Variants in TIAM1 observed in about 807,000 individuals in gnomAD.
The protein encoded by TIAM1 is rho guanine nucleotide exchange factor TIAM1.
Under a neutral mutation model 163.5 loss-of-function variants are expected in TIAM1, and 65 were observed. The observed-to-expected ratio is 0.40, with a 90% CI of 0.33 to 0.49. TIAM1 has a LOEUF of 0.49. Ranked by LOEUF, TIAM1 falls within the 20% of genes least tolerant of loss-of-function variation. TIAM1 has a pLI of 0.77. For synonymous variants in TIAM1, 833 were observed against 810.1 expected (o/e 1.03, Z -0.48); for missense variants, 1,789 against 2,044.7 (o/e 0.87, Z 2.41).
intron 11 of TIAM1, among the ~76,000 whole-genome samples, chr21:31,209,193 C>A (rs1272307398): frequency 6.6e-6 from 1 of 152,200 alleles, no homozygotes; most frequent in African/African-American, 2.4e-5. Flanking sequence ...CTGAGCTTCA[C>A]TTCCTCCATG....
chr21:31,317,005 T>C (rs1323326519), intron 2 of TIAM1, among the ~76,000 whole-genome samples: 1 of 152,174 alleles, frequency 6.6e-6, no homozygotes, highest in East Asian at 1.9e-4. Flanking sequence ...TCAAATCCTA[T>C]ATTTACCGAT....
intron 2 of TIAM1, among the ~76,000 whole-genome samples, chr21:31,369,837 T>C (rs1248573028): frequency 6.6e-6 from 1 of 152,010 alleles, no homozygotes; most frequent in African/African-American, 2.4e-5. Flanking sequence ...ATACAAAAAT[T>C]AGCTGGGCGT....
At chr21:31,152,989 T>G (rs2083449954) in intron 18 of TIAM1, 77 bp downstream of exon 18, 1 of 1,391,788 alleles carries the variant, frequency 7.2e-7, no homozygotes, top group South Asian at 1.3e-5. Flanking sequence ...GTGTTACGCA[T>G]GTCCCCATTT....
chr21:31,355,069 C>T (rs2076292808), intron 2 of TIAM1, among the ~76,000 whole-genome samples: 1 of 151,864 alleles, frequency 6.6e-6, no homozygotes, highest in Non-Finnish European at 1.5e-5. Flanking sequence ...AGCTGTAATC[C>T]CTTACACATA....
At chr21:31,484,239 T>G (rs1187980114) in intron 1 of TIAM1, among the ~76,000 whole-genome samples, 1 of 152,160 alleles carries the variant, frequency 6.6e-6, no homozygotes, top group Admixed American at 6.5e-5. Context: ...CCCAAACAGA[T>G]GAAGACACCC....
chr21:31,371,363 C>T (rs2076594029), intron 2 of TIAM1, among the ~76,000 whole-genome samples: 1 of 152,132 alleles, frequency 6.6e-6, no homozygotes, highest in South Asian at 2.1e-4. Flanking sequence ...GTACCTTCCT[C>T]CTCATTTTAC....
intron 1 of TIAM1, among the ~76,000 whole-genome samples, chr21:31,513,290 G>A (rs892211162): frequency 3.9e-5 from 6 of 152,142 alleles, no homozygotes; most frequent in Admixed American, 3.9e-4. Context: ...CCATTTTACA[G>A]GTGGGGAAAC....
chr21:31,171,601 T>A (rs1428809881), intron 15 of TIAM1, among the ~76,000 whole-genome samples: 1 of 152,180 alleles, frequency 6.6e-6, no homozygotes, highest in Non-Finnish European at 1.5e-5. Flanking sequence ...TAAAAATCAA[T>A]AAAATGAATT....
chr21:31,315,044 A>G (rs939674675), intron 2 of TIAM1, among the ~76,000 whole-genome samples: 5 of 152,280 alleles, frequency 3.3e-5, no homozygotes, highest in South Asian at 2.1e-4. Flanking sequence ...CAAACCTCGC[A>G]CCAAAACCAC....
At chr21:31,555,020 A>G (rs1197557297) in intron 1 of TIAM1, among the ~76,000 whole-genome samples, 1 of 152,152 alleles carries the variant, frequency 6.6e-6, no homozygotes, top group Non-Finnish European at 1.5e-5. Flanking sequence ...TGGAAGGGGA[A>G]AACTCCACCT....
chr21:31,229,288 G>C (rs1297535734), intron 6 of TIAM1, among the ~76,000 whole-genome samples: 1 of 152,024 alleles, frequency 6.6e-6, no homozygotes, highest in Non-Finnish European at 1.5e-5. Flanking sequence ...ACAGGGGTGT[G>C]TTCAGTTTGT....
chr21:31,554,840 C>A (rs569162483), intron 1 of TIAM1, among the ~76,000 whole-genome samples: 1 of 152,176 alleles, frequency 6.6e-6, no homozygotes, highest in Admixed American at 6.5e-5. Context: ...GAAAGAGCTT[C>A]AAGGTCTTCT....
intron 2 of TIAM1, among the ~76,000 whole-genome samples, chr21:31,354,010 G>A (rs2076277742): frequency 1.3e-5 from 2 of 151,130 alleles, no homozygotes; most frequent in Admixed American, 1.3e-4. Context: ...GCTAATTTGT[G>A]TATTTTTAGT....
chr21:31,164,955 C>T lies in TIAM1; in HGVS notation c.2991+7G>A. The T allele has an allele frequency of 1.2e-6, 2 of 1,613,712 alleles. No individual in the cohort carries two copies. The highest frequency in any genetic ancestry group is 1.1e-5 in the South Asian group (1 of 91,066). On this transcript the variant is annotated splice_region_variant and intron_variant, in intron 16 of 27. Transcript: ENST00000541036. ...AAGCATGGGATGTGAAAATGAAAAT[C>T]TCTCACCTTGCTGCTGTGATCAGTC... is the stretch of plus-strand genomic sequence containing the variant.
At chr21:31,535,659 A>C (rs997431755) in intron 1 of TIAM1, among the ~76,000 whole-genome samples, 1 of 151,988 alleles carries the variant, frequency 6.6e-6, no homozygotes, top group African/African-American at 2.4e-5. Context: ...CTGGTTCTCT[A>C]TCTAGGTCTT....
intron 2 of TIAM1, among the ~76,000 whole-genome samples, chr21:31,426,721 T>C (rs2043808234): frequency 6.6e-6 from 1 of 152,004 alleles, no homozygotes; most frequent in Non-Finnish European, 1.5e-5. Context: ...TCATGAAGTC[T>C]GGGGTTTCAT....
chr21:31,370,838 A>G (rs2076585765), intron 2 of TIAM1, among the ~76,000 whole-genome samples: 1 of 152,174 alleles, frequency 6.6e-6, no homozygotes, highest in East Asian at 1.9e-4. Context: ...TTTCCAACTA[A>G]TCTTGAAAAA....
chr21:31,427,479 T>G (rs1210597702), intron 2 of TIAM1, among the ~76,000 whole-genome samples: 1 of 149,928 alleles, frequency 6.7e-6, no homozygotes, highest in African/African-American at 2.5e-5. Context: ...AGAGCGAGAC[T>G]CTGTCTCAAA....
chr21:31,557,095 A>G (rs1410763666), intron 1 of TIAM1, among the ~76,000 whole-genome samples: 1 of 152,226 alleles, frequency 6.6e-6, no homozygotes, highest in East Asian at 1.9e-4. Flanking sequence ...CTCCAAACCC[A>G]GGTCTGGGTC....
Sources: allele counts gnomAD v4.1 joint callset (sites outside exome capture counted in the v4.1 genomes callset), GRCh38; gene constraint gnomAD v4.1.1; transcripts MANE v1.5; gene names NCBI Gene and HGNC (gene_info 2026-07-23, HGNC 2026-07-21).